TNR: variants seen among roughly 807,000 people sequenced by gnomAD.
TNR encodes tenascin-R.
TNR carries 45 observed loss-of-function variants against 150.4 expected under a neutral mutation model. That is an observed-to-expected ratio of 0.30 (90% CI 0.24 to 0.38). The LOEUF is 0.38. Ranked by LOEUF, TNR falls within the 10% of genes least tolerant of loss-of-function variation. TNR has a pLI of 1.00. For synonymous variants in TNR, 687 were observed against 678.4 expected, an observed-to-expected ratio of 1.01 and a Z score of -0.20; for missense variants, 1,544 against 1,759.1, an observed-to-expected ratio of 0.88 and a Z score of 2.19.
chr1:175,714,222 C>T (rs77089758), intron 1 of TNR, among the ~76,000 whole-genome samples: 4,669 of 152,156 alleles, frequency 0.031, 115 homozygotes, highest in Non-Finnish European at 0.046. Context: ...CTACCCATCA[C>T]GCCCCTCTTC....
intron 2 of TNR, among the ~76,000 whole-genome samples, chr1:175,435,334 G>C (rs1016466659): frequency 6.6e-6 from 1 of 152,210 alleles, no homozygotes; most frequent in Non-Finnish European, 1.5e-5. Flanking sequence ...TTGATAGTTG[G>C]TGAGAGAAAG....
At chr1:175,449,079 G>A (rs1656192501) in intron 2 of TNR, among the ~76,000 whole-genome samples, 1 of 152,104 alleles carries the variant, frequency 6.6e-6, no homozygotes, top group Admixed American at 6.5e-5. Context: ...ATAGATTATG[G>A]GAGGTTCTGC....
chr1:175,364,146 C>CATAG (rs946922040), intron 12 of TNR, among the ~76,000 whole-genome samples: 1 of 152,104 alleles, frequency 6.6e-6, no homozygotes, highest in Non-Finnish European at 1.5e-5. Flanking sequence ...TTGGGAGAAA[C>CATAG]ATAGGCATTT....
intron 8 of TNR, among the ~76,000 whole-genome samples, chr1:175,381,419 A>G (rs1360073793): frequency 6.6e-6 from 1 of 152,182 alleles, no homozygotes; most frequent in Non-Finnish European, 1.5e-5. Flanking sequence ...ATTTTTGATC[A>G]TAGGGGTTGT....
At chr1:175,711,526 G>A (rs1019141054) in intron 1 of TNR, among the ~76,000 whole-genome samples, 3 of 152,162 alleles carry the variant, frequency 2.0e-5, no homozygotes, top group African/African-American at 7.2e-5. Context: ...TCGGGGCAGG[G>A]GAGTGATTTA....
Position 175,406,644 on chromosome 1 carries a change from G to A in TNR, c.71C>T (p.Ser24Phe). ...LIGINLILLG[S>F]MIKPSECQLE... ...CTGACACTCTGAAGGCTTGATCATG[G>A]AGCCCAGAAGGATCAGGTTGATGCC... Residue 24 changes from serine (S) to phenylalanine (F), a missense_variant, in exon 3 of 23, where the codon TCC becomes TTC. This residue lies in a region of TNR where 1,254 missense variants were observed against 1,329.4 expected (regional missense o/e 0.94). Transcript: ENST00000367674. 1 of 1,614,194 alleles carries A rather than the reference G, an allele frequency of 6.2e-7. No individual in the cohort carries two copies. The highest frequency in any genetic ancestry group is 8.5e-7 in the Non-Finnish European group (1 of 1,180,042).
At chr1:175,408,725 T>C (rs1654071666) in intron 2 of TNR, among the ~76,000 whole-genome samples, 1 of 152,256 alleles carries the variant, frequency 6.6e-6, no homozygotes, top group Non-Finnish European at 1.5e-5. Flanking sequence ...GCTAATGGAA[T>C]TATTATCTGT....
chr1:175,329,663 T>C (rs772481947), intron 21 of TNR, among the ~76,000 whole-genome samples: 3 of 152,246 alleles, frequency 2.0e-5, no homozygotes, highest in Non-Finnish European at 4.4e-5. Context: ...GGGAGATTTC[T>C]ACCCAGACAG....
chr1:175,425,405 A>G (rs2102065463), intron 2 of TNR, among the ~76,000 whole-genome samples: 1 of 152,330 alleles, frequency 6.6e-6, no homozygotes, highest in South Asian at 2.1e-4. Context: ...AGTATTTAAC[A>G]TAAGGCCTAG....
chr1:175,600,288 G>C (rs181740922), intron 1 of TNR, among the ~76,000 whole-genome samples: 2 of 152,122 alleles, frequency 1.3e-5, no homozygotes, highest in Non-Finnish European at 2.9e-5. Flanking sequence ...GCTATTACTC[G>C]TATTATCATA....
chr1:175,581,139 A>G (rs1269207534), intron 1 of TNR, among the ~76,000 whole-genome samples: 3 of 152,188 alleles, frequency 2.0e-5, no homozygotes, highest in Non-Finnish European at 4.4e-5. Context: ...TGGCTGGCCC[A>G]GGCTTTGCAG....
chr1:175,593,410 C>A (rs1449220754), intron 1 of TNR, among the ~76,000 whole-genome samples: 2 of 125,290 alleles, frequency 1.6e-5, no homozygotes, highest in Non-Finnish European at 3.6e-5. Context: ...CCAACCCAAG[C>A]CAACAGTTTG....
At chr1:175,738,077 A>G (rs1213223330) in intron 1 of TNR, among the ~76,000 whole-genome samples, 1 of 152,136 alleles carries the variant, frequency 6.6e-6, no homozygotes, top group African/African-American at 2.4e-5. Context: ...AATCTGATTC[A>G]TTCATGTGCA....
intron 1 of TNR, among the ~76,000 whole-genome samples, chr1:175,713,512 G>A (rs899904545): frequency 2.0e-5 from 3 of 152,034 alleles, no homozygotes; most frequent in Admixed American, 6.6e-5. Flanking sequence ...TCCACAACTC[G>A]CTACTCCCCA....
intron 2 of TNR, among the ~76,000 whole-genome samples, chr1:175,437,941 C>T (rs1218040141): frequency 6.6e-6 from 1 of 152,166 alleles, no homozygotes. Context: ...CTGAATTCTA[C>T]CAGAGGTACA....
intron 1 of TNR, among the ~76,000 whole-genome samples, chr1:175,698,321 C>G (rs891356402): frequency 2.6e-5 from 4 of 152,120 alleles, no homozygotes; most frequent in African/African-American, 9.7e-5. Flanking sequence ...ATGGTGAGAC[C>G]AGGGAGGCCA....
chr1:175,719,086 T>TTCTTTC (rs1450095978), intron 1 of TNR, among the ~76,000 whole-genome samples: 1 of 152,218 alleles, frequency 6.6e-6, no homozygotes, highest in Non-Finnish European at 1.5e-5. Context: ...TCCCTGGTAT[T>TTCTTTC]TCTTTCTCTT....
chr1:175,667,055 T>G (rs1186411209), intron 1 of TNR, among the ~76,000 whole-genome samples: 1 of 152,050 alleles, frequency 6.6e-6, no homozygotes, highest in Admixed American at 6.6e-5. Context: ...ACCCAGCCAC[T>G]CCCCTCTTTT....
rs898452011 is a variant in TNR at position 175,489,621 on chromosome 1, G to T, written c.-64+38648C>A. 1.8e-4 allele frequency among the ~76,000 whole-genome samples: 28 copies of T among 152,318 alleles called. 1 individual carries two copies. The highest frequency in any genetic ancestry group is 2.1e-4 in the South Asian group (1 of 4,826). ...ACACTAGGGCTCATGGGAGGAAATTGTTAGCTATTTGATGTTGTGAACATC... is the reference window on the plus strand; with the variant it reads ...ACACTAGGGCTCATGGGAGGAAATTTTTAGCTATTTGATGTTGTGAACATC... On this transcript the variant is annotated intron_variant, in intron 2 of 22. Coordinates refer to ENST00000367674, the MANE Select transcript of TNR (RefSeq NM_003285.3).
Sources: allele counts gnomAD v4.1 joint callset (sites outside exome capture counted in the v4.1 genomes callset), GRCh38; gene constraint gnomAD v4.1.1; regional missense constraint gnomAD v4.1.1; transcripts MANE v1.5; gene names NCBI Gene and HGNC (gene_info 2026-07-23, HGNC 2026-07-21).